The following ZDHHC13 variants were observed in gnomAD, a reference collection of about 807,000 sequenced individuals.
ZDHHC13 encodes zDHHC palmitoyltransferase 13, also known as palmitoyltransferase ZDHHC13.
A neutral mutation model predicts 86.0 loss-of-function variants in ZDHHC13; 85 were observed. The ratio of observed to expected loss-of-function variants is 0.99; its 90% confidence interval spans 0.83 to 1.18. ZDHHC13 has a LOEUF of 1.18. Ranked by LOEUF, ZDHHC13 falls within the 50% of genes most tolerant of loss-of-function variation. The pLI is 0.00. For missense variants in ZDHHC13, 711 were observed against 730.2 expected (o/e 0.97, Z 0.30); for synonymous variants, 263 against 246.4 (o/e 1.07, Z -0.63).
At chr11:19,138,717 G>A (rs1849220139) in intron 1 of ZDHHC13, among the ~76,000 whole-genome samples, 1 of 151,556 alleles carries the variant, frequency 6.6e-6, no homozygotes, top group Non-Finnish European at 1.5e-5. Context: ...TATCCACCAT[G>A]ATCAAGTGGG....
At chr11:19,122,495 T>C (rs895105844) in intron 1 of ZDHHC13, among the ~76,000 whole-genome samples, 2 of 152,138 alleles carry the variant, frequency 1.3e-5, no homozygotes, top group Non-Finnish European at 2.9e-5. Flanking sequence ...AGAGGTAATT[T>C]AGTTAAAATT....
At position 19,149,266 on chromosome 11, in the gene ZDHHC13, A is replaced by ACCTG. The variant is rs764261024; in HGVS notation, c.454_455insCCTG (p.Ser152ThrfsTer56). 4 of 1,606,770 alleles carry ACCTG rather than the reference A, an allele frequency of 2.5e-6. No homozygotes were observed. The African/African-American group carries it at 5.3e-5, about 21-fold the overall frequency. ...TCTTATTGATGGAGAGGGATTCAGC[A>ACCTG]GCATCCACCTGGCAGTATTGTTTCA... On this transcript the variant is annotated frameshift_variant, in exon 5 of 17. Transcript: ENST00000446113. LOFTEE classifies it high-confidence loss of function.
intron 16 of ZDHHC13, 124 bp downstream of exon 16, chr11:19,172,944 C>G (rs1850263739): frequency 2.6e-6 from 2 of 779,310 alleles, no homozygotes; most frequent in Non-Finnish European, 3.9e-6. Flanking sequence ...TACAGTTGAC[C>G]CCCCTTTTCT....
chr11:19,136,587 C>T (rs1279277716), intron 1 of ZDHHC13, among the ~76,000 whole-genome samples: 3 of 151,936 alleles, frequency 2.0e-5, no homozygotes, highest in African/African-American at 7.3e-5. Context: ...AGATACTCCT[C>T]GAGAAGAGCA....
chr11:19,160,194 A>G (rs1285616405), intron 10 of ZDHHC13, among the ~76,000 whole-genome samples: 5 of 151,864 alleles, frequency 3.3e-5, no homozygotes, highest in East Asian at 1.9e-4. Flanking sequence ...GCTCCTTTTT[A>G]TTTCTGAGCA....
rs1453108420 is a variant in ZDHHC13, at chr11:19,158,954, A to G, written c.1022A>G (p.Tyr341Cys). The G allele has an allele frequency of 3.2e-6, 5 of 1,542,176 alleles. No homozygotes were observed. The highest frequency in any genetic ancestry group is 4.9e-5 in the East Asian group (2 of 40,824). The change falls in exon 10 of 17, where the codon TAT becomes TGT. Residue 341 changes from tyrosine (Y) to cysteine (C), a missense_variant. By Grantham distance (194) the Tyr-to-Cys change is radical. Transcript: ENST00000446113. Reference sequence around the variant, plus strand: ...TTTTCTTTTAGGTTCTTGGTTGGGTATAAGAACCTTGTATACTTACCAACA... The same window carrying G: ...TTTTCTTTTAGGTTCTTGGTTGGGTGTAAGAACCTTGTATACTTACCAACA... ...TSLFPRFLVG[Y>C]KNLVYLPTAF...
chr11:19,170,056 A>G, intron 14 of ZDHHC13: 2 of 1,060,216 alleles, frequency 1.9e-6, no homozygotes, highest in South Asian at 3.4e-5. Context: ...ATAGACCCAT[A>G]GTTGCTATAA....
intron 9 of ZDHHC13, among the ~76,000 whole-genome samples, chr11:19,158,444 C>G (rs1177945680): frequency 2.0e-5 from 3 of 152,054 alleles, no homozygotes; most frequent in Admixed American, 6.6e-5. Flanking sequence ...GTGTCTACTT[C>G]TCAAGCTGAT....
intron 6 of ZDHHC13, 112 bp from the exon 7 acceptor site, chr11:19,152,046 C>A: frequency 1.7e-6 from 2 of 1,177,196 alleles, no homozygotes; most frequent in Non-Finnish European, 2.4e-6. Flanking sequence ...GTTCTGAATA[C>A]TTAACTGAAT....
At chr11:19,122,157 C>T (rs957595389) in intron 1 of ZDHHC13, among the ~76,000 whole-genome samples, 1 of 152,042 alleles carries the variant, frequency 6.6e-6, no homozygotes, top group Non-Finnish European at 1.5e-5. Context: ...TTCATATTGT[C>T]GTGGGTCATG....
intron 2 of ZDHHC13, among the ~76,000 whole-genome samples, chr11:19,143,904 C>A (rs970041589): frequency 2.0e-4 from 30 of 152,166 alleles, no homozygotes; most frequent in African/African-American, 7.0e-4. Flanking sequence ...AAACATAAAT[C>A]TGCCCAGCAG....
intron 1 of ZDHHC13, among the ~76,000 whole-genome samples, chr11:19,119,645 C>T (rs547022106): frequency 6.6e-6 from 1 of 152,342 alleles, no homozygotes; most frequent in Non-Finnish European, 1.5e-5. Context: ...TCCTTCCTTG[C>T]TTTAGATTTC....
intron 1 of ZDHHC13, among the ~76,000 whole-genome samples, chr11:19,126,757 A>G (rs1178427590): frequency 5.9e-5 from 9 of 152,030 alleles, no homozygotes; most frequent in African/African-American, 2.2e-4. Flanking sequence ...AATAGCCTCC[A>G]GCTCCATTCG....
chr11:19,123,614 T>G (rs138075385), intron 1 of ZDHHC13, among the ~76,000 whole-genome samples: 1 of 152,186 alleles, frequency 6.6e-6, no homozygotes, highest in Non-Finnish European at 1.5e-5. Context: ...GCCACTGCAC[T>G]CCAGCCTGGG....
At position 19,163,572 on chromosome 11, in the gene ZDHHC13, C is replaced by T. The variant is rs1376630315; in HGVS notation, c.1233+145C>T. On this transcript the variant is annotated intron_variant, in intron 11 of 16. Transcript: ENST00000446113. ...AGCAAAAATTAGATTTCCACTCTTA[C>T]AGTTTTTTCATTTATGTATATGAAA... 11 of 865,694 alleles carry T rather than the reference C, an allele frequency of 1.3e-5. No individual in the cohort carries two copies. The Admixed American group carries it at 2.5e-4, about 20-fold the overall frequency. 53.6% of individuals were successfully genotyped at this position (865,694 alleles called of 1,614,324 possible).
At chr11:19,169,383 A>G (rs1850158358) in intron 14 of ZDHHC13, 1 of 985,332 alleles carries the variant, frequency 1.0e-6, no homozygotes, top group South Asian at 4.7e-5. Context: ...TCTGGCATAT[A>G]TTCATGAAAG....
At chr11:19,155,597 A>G (rs1849735020) in intron 8 of ZDHHC13, among the ~76,000 whole-genome samples, 199 bp from the exon 9 acceptor site, 1 of 152,014 alleles carries the variant, frequency 6.6e-6, no homozygotes, top group South Asian at 2.1e-4. Context: ...AAAAAAAAAA[A>G]AAAAAGATTG....
intron 10 of ZDHHC13, among the ~76,000 whole-genome samples, chr11:19,161,322 G>A (rs1454830483): frequency 6.6e-6 from 1 of 151,938 alleles, no homozygotes; most frequent in Admixed American, 6.6e-5. Flanking sequence ...CCAAGCCTTA[G>A]TTTTTCTGTA....
rs1225976632 is a variant in ZDHHC13, at chr11:19,140,584, A to G, written c.28-2394A>G. On this transcript the variant is annotated intron_variant, in intron 1 of 16. Coordinates refer to ENST00000446113, the MANE Select transcript of ZDHHC13 (RefSeq NM_019028.3). ...TTACTGGGTATATGCCCAAAGGACTATAAATCATGCTGCTATAAAGACACA... is the reference window on the plus strand; with the variant it reads ...TTACTGGGTATATGCCCAAAGGACTGTAAATCATGCTGCTATAAAGACACA... Among the ~76,000 whole-genome samples, 8 of 152,304 alleles carry G rather than the reference A, an allele frequency of 5.3e-5. No homozygotes were observed. The East Asian group carries it at 1.4e-3, about 26-fold the overall frequency.
Sources: allele counts gnomAD v4.1 joint callset (sites outside exome capture counted in the v4.1 genomes callset), GRCh38; gene constraint gnomAD v4.1.1; transcripts MANE v1.5; gene names NCBI Gene and HGNC (gene_info 2026-07-23, HGNC 2026-07-21).